The following KCND3 variants were observed in gnomAD, a reference collection of about 807,000 sequenced individuals.
KCND3 encodes the protein potassium voltage-gated channel subfamily D member 3, also known as A-type voltage-gated potassium channel KCND3.
In KCND3, 9 loss-of-function variants were observed where a neutral mutation model predicts 51.1. That is an observed-to-expected ratio of 0.18 (90% CI 0.11 to 0.31). The LOEUF is 0.31. Among genes scored for constraint, KCND3 ranks in the 10% least tolerant of loss-of-function variants. The pLI is 1.00. For synonymous variants in KCND3, 349 were observed against 368.0 expected (o/e 0.95, Z 0.59); for missense variants, 526 against 903.8 (o/e 0.58, Z 5.36).
intron 2 of KCND3, among the ~76,000 whole-genome samples, chr1:111,968,981 C>A (rs1437025077): frequency 1.3e-5 from 2 of 152,130 alleles, no homozygotes; most frequent in Non-Finnish European, 2.9e-5. Context: ...AAGATATTTA[C>A]ATAGTATGCA....
chr1:111,966,022 T>C (rs1197665050), intron 2 of KCND3, among the ~76,000 whole-genome samples: 1 of 152,064 alleles, frequency 6.6e-6, no homozygotes, highest in African/African-American at 2.4e-5. Context: ...GACTGGGACC[T>C]CCCTACAAGA....
chr1:111,966,465 A>T (rs959055405), intron 2 of KCND3, among the ~76,000 whole-genome samples: 6 of 152,046 alleles, frequency 3.9e-5, no homozygotes, highest in African/African-American at 1.4e-4. Flanking sequence ...AAGGGGTGAG[A>T]GCTCTGCTTA....
chr1:111,955,342 A>G (rs546981005), intron 2 of KCND3, among the ~76,000 whole-genome samples: 3 of 152,106 alleles, frequency 2.0e-5, no homozygotes, highest in Non-Finnish European at 4.4e-5. Flanking sequence ...AGAGCCCAGG[A>G]GGTTGGGGCT....
At chr1:111,936,453 GAC>G (rs1251754992) in intron 2 of KCND3, among the ~76,000 whole-genome samples, 1 of 152,194 alleles carries the variant, frequency 6.6e-6, no homozygotes, top group Non-Finnish European at 1.5e-5. Context: ...AAGGCACAGT[GAC>G]CAGAGAGGAA....
intron 2 of KCND3, among the ~76,000 whole-genome samples, chr1:111,849,707 T>C (rs1667720316): frequency 6.6e-6 from 1 of 152,168 alleles, no homozygotes. Context: ...GAAGCACCTT[T>C]TCTAATTTGC....
intron 2 of KCND3, among the ~76,000 whole-genome samples, chr1:111,922,013 C>T (rs978828537): frequency 2.6e-5 from 4 of 152,182 alleles, no homozygotes; most frequent in African/African-American, 4.8e-5. Flanking sequence ...GCAACAGCCA[C>T]GGTGTTCTCT....
chr1:111,825,994 C>T (rs945603177), intron 2 of KCND3, among the ~76,000 whole-genome samples: 1 of 152,178 alleles, frequency 6.6e-6, no homozygotes, highest in African/African-American at 2.4e-5. Flanking sequence ...CACTAAAAAT[C>T]AAAATCAAAG....
intron 2 of KCND3, among the ~76,000 whole-genome samples, chr1:111,977,505 G>A (rs1053064473): frequency 4.6e-5 from 7 of 152,180 alleles, no homozygotes; most frequent in Middle Eastern, 3.2e-3. Context: ...TCATCTCAGA[G>A]CATGGGGTGA....
In KCND3 at chr1:111,777,182, G is replaced by C; in HGVS notation, c.1610C>G (p.Ser537Cys). The part of the protein sequence containing the change: ...NYPSTRSPSL[S>C]SHPGLTTTCC... ...GGTGGTAGTGAGGCCTGGGTGGCTG[G>C]ACAGTGAGGGACTTCTTGTGGATGG... Residue 537 changes from serine to cysteine, a missense_variant, in exon 7 of 8, where the codon TCC (serine) becomes TGC (cysteine). By Grantham distance (112) the Ser-to-Cys change is moderately radical (BLOSUM62 -1). Transcript: ENST00000302127. 1 of 1,614,196 alleles carries C rather than the reference G, an allele frequency of 6.2e-7. No homozygotes were observed.
chr1:111,918,759 C>A (rs1671342236), intron 2 of KCND3, among the ~76,000 whole-genome samples: 1 of 152,086 alleles, frequency 6.6e-6, no homozygotes, highest in African/African-American at 2.4e-5. Flanking sequence ...AAGTACTTTT[C>A]CAGGCTGGAG....
intron 2 of KCND3, among the ~76,000 whole-genome samples, chr1:111,963,505 G>C (rs762384748): frequency 1.2e-4 from 18 of 152,202 alleles, no homozygotes; most frequent in Non-Finnish European, 2.1e-4. Context: ...CTTGATAAGG[G>C]TTGCTGTGAA....
intron 2 of KCND3, among the ~76,000 whole-genome samples, chr1:111,927,091 T>C (rs568279812): frequency 2.6e-5 from 4 of 152,364 alleles, no homozygotes; most frequent in Admixed American, 2.6e-4. Context: ...GAACCACCAT[T>C]ATCTCCCCAT....
chr1:111,844,540 G>A (rs560255953), intron 2 of KCND3, among the ~76,000 whole-genome samples: 4 of 152,200 alleles, frequency 2.6e-5, no homozygotes, highest in African/African-American at 9.6e-5. Context: ...TCTAACAACA[G>A]CTGTCTGCCC....
Position 111,775,909 on chromosome 1 carries a change from C to T in KCND3, c.*168G>A. ...GCTAGCAGCGTGAACCTCAGGTGCC[C>T]CTTTGCTACCTCTTTTTCCTTCCAG... On this transcript the variant is annotated 3_prime_UTR_variant, in exon 8 of 8. Transcript: ENST00000302127. The T allele has an allele frequency of 1.5e-6, 1 of 681,926 alleles. No homozygotes were observed. The highest frequency in any genetic ancestry group is 2.5e-6 in the Non-Finnish European group (1 of 393,246). 42.2% of individuals were successfully genotyped at this position (681,926 alleles called of 1,614,324 possible).
chr1:111,882,613 A>G (rs1302592056), intron 2 of KCND3, among the ~76,000 whole-genome samples: 2 of 151,592 alleles, frequency 1.3e-5, no homozygotes, highest in Non-Finnish European at 2.9e-5. Context: ...CTGGCTTCTG[A>G]GGTGTGGCCG....
intron 2 of KCND3, among the ~76,000 whole-genome samples, chr1:111,811,810 A>C (rs748819680): frequency 1.3e-4 from 20 of 152,222 alleles, no homozygotes; most frequent in Admixed American, 3.3e-4. Flanking sequence ...CTTACTGGGA[A>C]TAGGTAAGTA....
chr1:111,788,668 A>G (rs1571638873), intron 2 of KCND3, among the ~76,000 whole-genome samples: 1 of 152,188 alleles, frequency 6.6e-6, no homozygotes, highest in East Asian at 1.9e-4. Context: ...AGATCTTTGC[A>G]GCTAGGGTTG....
chr1:111,805,116 G>C (rs900067048), intron 2 of KCND3, among the ~76,000 whole-genome samples: 1 of 152,238 alleles, frequency 6.6e-6, no homozygotes. Flanking sequence ...GGAAAGGGCG[G>C]CCTAAGCTGA....
rs1439435227 is a variant in KCND3 at position 111,771,586 on chromosome 1, A to C, written c.*4491T>G. The C allele has an allele frequency of 2.0e-5, 3 of 152,232 alleles. No homozygotes were observed. The highest frequency in any genetic ancestry group is 4.4e-5 in the Non-Finnish European group (3 of 68,042). 9.4% of individuals were successfully genotyped at this position (152,232 alleles called of 1,614,324 possible). On this transcript the variant is annotated 3_prime_UTR_variant, in exon 8 of 8. Transcript: ENST00000302127. ...TCAACCACTTCCTCTGCAAAACTTA[A>C]GGAAAAACTCTTAAGTACATAATGT... is the stretch of plus-strand genomic sequence containing the variant.
Sources: allele counts gnomAD v4.1 joint callset (sites outside exome capture counted in the v4.1 genomes callset), GRCh38; gene constraint gnomAD v4.1.1; transcripts MANE v1.5; gene names NCBI Gene and HGNC (gene_info 2026-07-23, HGNC 2026-07-21).